MIA2: variants seen among roughly 807,000 people sequenced by gnomAD.
MIA2 encodes the protein melanoma inhibitory activity protein 2.
MIA2 carries 127 observed loss-of-function variants against 167.8 expected under a neutral mutation model. The observed-to-expected ratio is 0.76, with a 90% CI of 0.66 to 0.88. MIA2 has a LOEUF of 0.88. Among genes scored for constraint, MIA2 ranks in the 40% least tolerant of loss-of-function variants. The pLI, the probability that MIA2 is intolerant of heterozygous loss-of-function variation, is 0.00. For synonymous variants in MIA2, 552 were observed against 541.9 expected, an observed-to-expected ratio of 1.02 and a Z score of -0.26; for missense variants, 1,690 against 1,624.7, an observed-to-expected ratio of 1.04 and a Z score of -0.69.
At position 39,302,218 on chromosome 14, in the gene MIA2, G is replaced by C; in HGVS notation, c.2709G>C (p.Met903Ile). ...ATGATGATAACTTGGAATTAGAAAT[G>C]AACAGTGAATCGGAAAATGGTGCTT... ...ITDDDNLELE[M>I]NSESENGAYL... Residue 903 changes from methionine (M) to isoleucine (I), a missense_variant, in exon 15 of 29, where the codon ATG (methionine) becomes ATC (isoleucine). Transcript: ENST00000640607. 6.2e-7 allele frequency: 1 copy of C among 1,613,850 alleles called. No homozygotes were observed. Among genetic ancestry groups the C allele is most frequent in the East Asian group, 2.2e-5 (1 of 44,834 alleles).
intron 25 of MIA2, among the ~76,000 whole-genome samples, chr14:39,341,826 T>A (rs2071939904): frequency 6.6e-6 from 1 of 152,322 alleles, no homozygotes. Flanking sequence ...TAGTTTATAA[T>A]CATAACAAGC....
At chr14:39,330,046 A>G (rs1165292110) in intron 25 of MIA2, among the ~76,000 whole-genome samples, 1 of 152,168 alleles carries the variant, frequency 6.6e-6, no homozygotes, top group African/African-American at 2.4e-5. Flanking sequence ...AAGGAATGGT[A>G]CCAGCTCCTC....
At chr14:39,265,933 T>C (rs543426586) in intron 6 of MIA2, 2 of 981,760 alleles carry the variant, frequency 2.0e-6, no homozygotes, top group African/African-American at 3.5e-5. Context: ...TACTCTGATA[T>C]TAGCATTTCC....
chr14:39,249,294 T>C (rs1163518164), intron 4 of MIA2, among the ~76,000 whole-genome samples: 3 of 152,068 alleles, frequency 2.0e-5, no homozygotes, highest in Non-Finnish European at 4.4e-5. Flanking sequence ...GTCTGCACCA[T>C]TACACCCAGC....
At chr14:39,329,727 CAT>C (rs1173330735) in intron 25 of MIA2, among the ~76,000 whole-genome samples, 2 of 149,318 alleles carry the variant, frequency 1.3e-5, no homozygotes, top group African/African-American at 5.0e-5. Flanking sequence ...TTGAGATAAT[CAT>C]GTGGTTTTTG....
Position 39,386,338 on chromosome 14 carries a change from A to G in MIA2, c.2249-547A>G, listed in dbSNP as rs1371654945. ...TGGGACCATCACTGATAGCTTCATC[A>G]CAAGACTCAGACTCCGAGGAGGAAC... is the stretch of plus-strand genomic sequence containing the variant. On this transcript the variant is annotated intron_variant, in intron 23 of 23. Transcript: ENST00000341502. The G allele has an allele frequency of 9.9e-6, 15 of 1,514,774 alleles. No individual in the cohort carries two copies. In the East Asian group the frequency reaches 2.9e-4, roughly 30 times the overall value. The allele number at this position is 1,514,774 out of a possible 1,614,324, so 93.8% of individuals were successfully genotyped here.
intron 17 of MIA2, among the ~76,000 whole-genome samples, chr14:39,308,180 T>C (rs933328613): frequency 1.3e-5 from 2 of 152,178 alleles, no homozygotes; most frequent in African/African-American, 4.8e-5. Flanking sequence ...GCGATGGTTA[T>C]GCTAATTACC....
chr14:39,347,700 CT>C lies in MIA2; in HGVS notation c.3779-9del. On this transcript the variant is annotated splice_polypyrimidine_tract_variant and intron_variant, in intron 26 of 28. Coordinates refer to ENST00000640607, the MANE Select transcript of MIA2 (RefSeq NM_001329214.4). ...AAATCATGTACTTTTCATGGTTTAA[CT>C]TTTATGTCTAGATGGGTCAATGCCT... 1.2e-6 allele frequency: 2 copies of C among 1,605,796 alleles called. No individual in the cohort carries two copies. The highest frequency in any genetic ancestry group is 1.7e-6 in the Non-Finnish European group (2 of 1,175,594).
intron 25 of MIA2, among the ~76,000 whole-genome samples, chr14:39,328,046 C>T (rs1016372750): frequency 6.6e-6 from 1 of 152,240 alleles, no homozygotes; most frequent in African/African-American, 2.4e-5. Flanking sequence ...AATCGCCACA[C>T]TGTCTTCCAC....
chr14:39,344,443 C>G (rs557603487), intron 25 of MIA2, among the ~76,000 whole-genome samples: 5 of 152,136 alleles, frequency 3.3e-5, no homozygotes, highest in Non-Finnish European at 2.9e-5. Flanking sequence ...ACAGCTCCTC[C>G]CTAGGATTTT....
intron 23 of MIA2, among the ~76,000 whole-genome samples, chr14:39,372,639 C>T (rs916838669): frequency 6.6e-6 from 1 of 152,096 alleles, no homozygotes; most frequent in African/African-American, 2.4e-5. Context: ...GGAAAATATC[C>T]TTGGTGCCAG....
In MIA2 at chr14:39,302,200, T is replaced by C. The variant is rs763847040; in HGVS notation, c.2691T>C (p.Asp897=). 6.2e-7 allele frequency: 1 copy of C among 1,613,996 alleles called. No homozygotes were observed. The highest frequency in any genetic ancestry group is 8.5e-7 in the Non-Finnish European group (1 of 1,179,882). The stretch of plus-strand genomic sequence containing the variant: ...TTGGAGAAGACATAACGGATGATGA[T>C]AACTTGGAATTAGAAATGAACAGTG... ...AMLGEDITDD[D]NLELEMNSES... is the part of the protein sequence containing the mutation. The change falls in exon 15 of 29, where the codon GAT becomes GAC. Residue 897 remains aspartate, a synonymous_variant. Transcript: ENST00000640607.
intron 24 of MIA2, among the ~76,000 whole-genome samples, chr14:39,326,245 C>T (rs2067528083): frequency 1.3e-5 from 2 of 152,196 alleles, no homozygotes; most frequent in South Asian, 2.1e-4. Context: ...ATTTAGAAAT[C>T]ACTAAAAGCC....
chr14:39,378,032 T>A (rs1192349828), intron 23 of MIA2, among the ~76,000 whole-genome samples: 1 of 152,172 alleles, frequency 6.6e-6, no homozygotes, highest in Non-Finnish European at 1.5e-5. Context: ...GTTATGCACT[T>A]GTATAAAAGA....
At chr14:39,289,939 C>A (rs1411784207) in intron 9 of MIA2, among the ~76,000 whole-genome samples, 2 of 152,222 alleles carry the variant, frequency 1.3e-5, no homozygotes, top group East Asian at 3.8e-4. Context: ...TATCTTATAT[C>A]ATTCTTTTCT....
rs553539456 is a variant in MIA2, at chr14:39,339,082, G to A, written c.3656-6822G>A. Among the ~76,000 whole-genome samples the A allele has an allele frequency of 3.4e-3, 517 of 152,284 alleles. 4 individuals carry two copies. Among genetic ancestry groups the A allele is most frequent in the African/African-American group, 7.5e-3 (310 of 41,546 alleles). ...GTTCACTTCAGATCATCAGGCATTAGTTAGATTCTCATAAGGAATGCACAG... is the reference window on the plus strand; with the variant it reads ...GTTCACTTCAGATCATCAGGCATTAATTAGATTCTCATAAGGAATGCACAG... On this transcript the variant is annotated intron_variant, in intron 25 of 28. Transcript: ENST00000640607.
chr14:39,267,656 G>T, intron 6 of MIA2: 1 of 1,062,526 alleles, frequency 9.4e-7, no homozygotes, highest in South Asian at 1.5e-5. Flanking sequence ...TCTGCTGCCC[G>T]GCTCCCGCCC....
rs1595974450 is a variant in MIA2 at position 39,386,447 on chromosome 14, C to T, written c.2249-438C>T. ...GTTTCTAGCAGAACCTTTTGGAGAA[C>T]TACATCTCTGATTGGCCCAGTCTTT... On this transcript the variant is annotated intron_variant, in intron 23 of 23. Coordinates refer to the MIA2 transcript ENST00000341502. 2.6e-6 allele frequency: 4 copies of T among 1,544,276 alleles called. No homozygotes were observed. In the African/African-American group the frequency reaches 4.1e-5, roughly 16 times the overall value.
At chr14:39,297,180 G>C (rs2061548221) in intron 13 of MIA2, among the ~76,000 whole-genome samples, 1 of 150,198 alleles carries the variant, frequency 6.7e-6, no homozygotes, top group Non-Finnish European at 1.5e-5. Flanking sequence ...TATAACCTCT[G>C]CTGCCCGGGT....
Sources: allele counts gnomAD v4.1 joint callset (sites outside exome capture counted in the v4.1 genomes callset), GRCh38; gene constraint gnomAD v4.1.1; transcripts MANE v1.5; gene names NCBI Gene and HGNC (gene_info 2026-07-23, HGNC 2026-07-21).